AP1M1: variants seen among roughly 807,000 people sequenced by gnomAD.
The protein encoded by AP1M1 is AP-1 complex subunit mu-1.
A neutral mutation model predicts 57.1 loss-of-function variants in AP1M1; 18 were observed. The ratio of observed to expected loss-of-function variants is 0.32; its 90% confidence interval spans 0.22 to 0.47. The LOEUF is 0.47. AP1M1 is among the 20% of genes least tolerant of loss of function. The probability of loss-of-function intolerance (pLI) is 1.00; values close to 1 mark genes in which losing one functional copy is unlikely to be tolerated. For missense variants in AP1M1, 362 were observed against 593.5 expected (o/e 0.61, Z 4.05); for synonymous variants, 241 against 237.9 (o/e 1.01, Z -0.12).
chr19:16,229,048 C>T, intron 9 of AP1M1, 120 bp downstream of exon 9: 1 of 1,223,490 alleles, frequency 8.2e-7, no homozygotes, highest in Non-Finnish European at 1.1e-6. Context: ...GTCTTCCACA[C>T]CTGGGGCTTC....
At chr19:16,225,681 A>G (rs1291914366) in intron 5 of AP1M1, among the ~76,000 whole-genome samples, 2 of 152,132 alleles carry the variant, frequency 1.3e-5, no homozygotes, top group Non-Finnish European at 2.9e-5. Context: ...GTGTGGAGCA[A>G]TGCCTGGCGC....
At chr19:16,232,218 G>A (rs1425902117) in intron 9 of AP1M1, among the ~76,000 whole-genome samples, 1 of 152,240 alleles carries the variant, frequency 6.6e-6, no homozygotes, top group Non-Finnish European at 1.5e-5. Context: ...GCCTTTGGCA[G>A]CACGCCTGTC....
At position 16,234,934 on chromosome 19, in the gene AP1M1, C is replaced by G. The variant is rs567447773; in HGVS notation, c.*499C>G. The G allele has an allele frequency of 1.4e-3, 239 of 167,944 alleles. 2 individuals carry two copies. Among genetic ancestry groups the G allele is most frequent in the South Asian group, 9.9e-3 (65 of 6,576 alleles). The allele number at this position is 167,944 out of a possible 1,614,324, so 10.4% of individuals were successfully genotyped here. A position where few individuals can be genotyped will look rare whatever the true frequency, so the allele number is the denominator to read the frequency against. On this transcript the variant is annotated 3_prime_UTR_variant, in exon 12 of 12. Transcript: ENST00000291439. ...CTGTTTGTGTTACCCTCACTGTCCC[C>G]ATGTCCCACCCACGTCCTACGGCAC...
Position 16,203,839 on chromosome 19 carries a change from C to T in AP1M1, c.199+224C>T, listed in dbSNP as rs2091459069. Among the ~76,000 whole-genome samples the T allele has an allele frequency of 6.6e-6, 1 of 152,088 alleles. No homozygotes were observed. Among genetic ancestry groups the T allele is most frequent in the Non-Finnish European group, 1.5e-5 (1 of 67,996 alleles). On this transcript the variant is annotated intron_variant, in intron 2 of 11. Transcript: ENST00000291439. This position sits in a 1 kb window ranked among gnomAD's most constrained non-coding sequence, Gnocchi z 4.6. Reference sequence around the variant, plus strand: ...GCAGGTGTGACTTGAACCTCTTCAGCCCAGGGGCCCAGGAAGGGAAATGAC... The same window carrying T: ...GCAGGTGTGACTTGAACCTCTTCAGTCCAGGGGCCCAGGAAGGGAAATGAC...
chr19:16,202,441 G>A (rs1280326928), intron 1 of AP1M1, among the ~76,000 whole-genome samples: 3 of 152,148 alleles, frequency 2.0e-5, no homozygotes, highest in Non-Finnish European at 4.4e-5. Flanking sequence ...ACAATTTGAT[G>A]AGCTCAGTCA....
At chr19:16,214,442 C>T (rs1288464580) in intron 5 of AP1M1, among the ~76,000 whole-genome samples, 1 of 151,208 alleles carries the variant, frequency 6.6e-6, no homozygotes, top group East Asian at 1.9e-4. Flanking sequence ...ACCTCTGCCT[C>T]CCTGGCTCAA....
At chr19:16,215,677 G>T (rs1011670545) in intron 5 of AP1M1, among the ~76,000 whole-genome samples, 6 of 151,752 alleles carry the variant, frequency 4.0e-5, no homozygotes. Context: ...ATTTTGCAGG[G>T]GTTCTCTGCA....
chr19:16,198,339 G>C (rs574829690), intron 1 of AP1M1: 257 of 237,472 alleles, frequency 1.1e-3, no homozygotes, highest in African/African-American at 5.4e-3. Context: ...CTGCTCCCCG[G>C]CGCCGGGGCC....
At position 16,203,633 on chromosome 19, in the gene AP1M1, G is replaced by C; in HGVS notation, c.199+18G>C. 6.3e-7 allele frequency: 1 copy of C among 1,588,784 alleles called. No individual in the cohort carries two copies. The highest frequency in any genetic ancestry group is 1.1e-5 in the South Asian group (1 of 87,252). On this transcript the variant is annotated intron_variant, in intron 2 of 11. Transcript: ENST00000291439. The surrounding 1 kb of genome is among the most constrained non-coding windows in gnomAD (Gnocchi z 4.6). ...CCTGTATCGTATCCCTTTGCTGGGG[G>C]TGCTCCCAGGGGACTCCTGTGTGGG...
intron 5 of AP1M1, among the ~76,000 whole-genome samples, chr19:16,213,141 CT>C (rs1391407564): frequency 1.3e-5 from 2 of 152,090 alleles, no homozygotes; most frequent in Admixed American, 6.6e-5. Flanking sequence ...TCCTGGATAT[CT>C]TTGATAATTT....
chr19:16,215,208 GGGGAGA>G (rs1568351040), intron 5 of AP1M1, among the ~76,000 whole-genome samples: 7 of 46,092 alleles, frequency 1.5e-4, no homozygotes, highest in Non-Finnish European at 3.8e-4. Flanking sequence ...GGCGGGGGGG[GGGGAGA>G]GGGGGGAGGG....
At position 16,241,476 on chromosome 19, in the gene AP1M1, A is replaced by C. The variant is rs750139342; in HGVS notation, c.*7041A>C. 2 of 152,166 alleles carry C rather than the reference A, an allele frequency of 1.3e-5. No individual in the cohort carries two copies. Among genetic ancestry groups the C allele is most frequent in the Non-Finnish European group, 2.9e-5 (2 of 68,038 alleles). 9.4% of individuals were successfully genotyped at this position (152,166 alleles called of 1,614,324 possible). A position where few individuals can be genotyped will look rare whatever the true frequency, so the allele number is the denominator to read the frequency against. On this transcript the variant is annotated 3_prime_UTR_variant, in exon 12 of 12. Coordinates refer to ENST00000291439, the MANE Select transcript of AP1M1 (RefSeq NM_032493.4). ...TCATTGACTGTGTAAAGCAATAATA[A>C]CAGTGACTAACGTATAGAGTAGCGA... is the stretch of plus-strand genomic sequence containing the variant.
rs949534498 is a variant in AP1M1, at chr19:16,206,161, T to C, written c.200-180T>C. On this transcript the variant is annotated intron_variant, in intron 2 of 11. Coordinates refer to ENST00000291439, the MANE Select transcript of AP1M1 (RefSeq NM_032493.4). The surrounding 1 kb of genome is among the most constrained non-coding windows in gnomAD (Gnocchi z 4.3). Reference sequence around the variant, plus strand: ...GAGCGCATCTGGCTGGTGACTCCTGTGTCCCAGGTCTAGCTTGGACCAGGA... The same window carrying C: ...GAGCGCATCTGGCTGGTGACTCCTGCGTCCCAGGTCTAGCTTGGACCAGGA... 2.6e-5 allele frequency among the ~76,000 whole-genome samples: 4 copies of C among 152,234 alleles called. No homozygotes were observed. The highest frequency in any genetic ancestry group is 2.1e-4 in the South Asian group (1 of 4,828).
chr19:16,215,393 G>A (rs751634554), intron 5 of AP1M1, among the ~76,000 whole-genome samples: 5 of 145,020 alleles, frequency 3.4e-5, no homozygotes, highest in African/African-American at 5.1e-5. Context: ...CCTGGGAGGC[G>A]GAGGTTGCAG....
rs2091611850 is a variant in AP1M1, at chr19:16,234,084, A to C, written c.1174-115A>C. 14 of 1,014,718 alleles carry C rather than the reference A, an allele frequency of 1.4e-5. No homozygotes were observed. In the South Asian group the frequency reaches 2.1e-4, roughly 15 times the overall value. The allele number at this position is 1,014,718 out of a possible 1,614,324, so 62.9% of individuals were successfully genotyped here. Reference sequence around the variant, plus strand: ...TTTCACCCCCCTGAGGCCTGTGCTCATCCTGTCGTCATGGCCTCCCCTGCC... The same window carrying C: ...TTTCACCCCCCTGAGGCCTGTGCTCCTCCTGTCGTCATGGCCTCCCCTGCC... On this transcript the variant is annotated intron_variant, in intron 10 of 11. Transcript: ENST00000291439.
At chr19:16,230,379 C>T (rs2091590652) in intron 9 of AP1M1, among the ~76,000 whole-genome samples, 1 of 149,952 alleles carries the variant, frequency 6.7e-6, no homozygotes, top group African/African-American at 2.4e-5. Context: ...TACTGTTGCA[C>T]ATTCAGACTA....
intron 9 of AP1M1, among the ~76,000 whole-genome samples, chr19:16,229,468 C>T (rs964529365): frequency 3.3e-5 from 5 of 152,220 alleles, no homozygotes; most frequent in African/African-American, 9.6e-5. Context: ...GCCGGGTGTA[C>T]ACAGTGCACA....
Position 16,234,703 on chromosome 19 carries a change from G to C in AP1M1, c.*268G>C. 5.2e-6 allele frequency: 3 copies of C among 581,434 alleles called. No individual in the cohort carries two copies. The South Asian group carries it at 6.3e-5, about 12-fold the overall frequency. 36.0% of individuals were successfully genotyped at this position (581,434 alleles called of 1,614,324 possible). On this transcript the variant is annotated 3_prime_UTR_variant, in exon 12 of 12. Coordinates refer to ENST00000291439, the MANE Select transcript of AP1M1 (RefSeq NM_032493.4). ...CAGGGGAAGGATGTGAAATTTTTCC[G>C]TGTAGAGGTTACAGCCTTTTATGCT...
At chr19:16,226,350 C>A in intron 5 of AP1M1, 71 bp from the exon 6 acceptor site, 1 of 1,488,054 alleles carries the variant, frequency 6.7e-7, no homozygotes, top group South Asian at 1.3e-5. Flanking sequence ...GCCAGAGGGT[C>A]ACATGATGTG....
Sources: allele counts gnomAD v4.1 joint callset (sites outside exome capture counted in the v4.1 genomes callset), GRCh38; gene constraint gnomAD v4.1.1; non-coding constraint Gnocchi (gnomAD v3.1); transcripts MANE v1.5; gene names NCBI Gene and HGNC (gene_info 2026-07-23, HGNC 2026-07-21).